TMC7: variants seen among roughly 807,000 people sequenced by gnomAD.
TMC7 encodes transmembrane channel-like protein 7.
In TMC7, 54 loss-of-function variants were observed where a neutral mutation model predicts 82.9. The observed-to-expected ratio is 0.65, with a 90% CI of 0.52 to 0.82. The LOEUF is 0.82. Among genes scored for constraint, TMC7 ranks in the 40% least tolerant of loss-of-function variants. The probability of loss-of-function intolerance (pLI) is 0.00; values close to 1 mark genes in which losing one functional copy is unlikely to be tolerated. For missense variants in TMC7, 820 were observed against 901.2 expected, an observed-to-expected ratio of 0.91 and a Z score of 1.15; for synonymous variants, 350 against 337.9, an observed-to-expected ratio of 1.04 and a Z score of -0.39.
intron 9 of TMC7, among the ~76,000 whole-genome samples, chr16:19,043,761 G>A (rs1472587099): frequency 2.0e-5 from 3 of 151,932 alleles, no homozygotes; most frequent in East Asian, 3.9e-4. Context: ...TAGTGGAGAC[G>A]GGGTTTCTCC....
chr16:19,023,153 C>T lies in TMC7; in HGVS notation c.669C>T (p.Leu223=), dbSNP rs1960062714. Residue 223 remains leucine (L), a synonymous_variant, in exon 5 of 16, where the codon CTC becomes CTT. Transcript: ENST00000304381. ...CTVYPVSSSG[L]IYFYSYIIDL... ...TCTATCCAGTAAGCAGTTCTGGACT[C>T]ATTTACTTTTACAGTTATATCATAG... is the stretch of plus-strand genomic sequence containing the variant. 1 of 1,610,394 alleles carries T rather than the reference C, an allele frequency of 6.2e-7. No individual in the cohort carries two copies. The highest frequency in any genetic ancestry group is 8.5e-7 in the Non-Finnish European group (1 of 1,177,256).
chr16:19,050,756 C>T (rs1277362972), intron 12 of TMC7, among the ~76,000 whole-genome samples: 2 of 152,166 alleles, frequency 1.3e-5, no homozygotes, highest in African/African-American at 2.4e-5. Context: ...CCACCTAGGC[C>T]TCCCGAAGTG....
intron 9 of TMC7, among the ~76,000 whole-genome samples, chr16:19,043,043 G>T (rs575847547): frequency 1.1e-4 from 17 of 152,048 alleles, no homozygotes; most frequent in African/African-American, 3.9e-4. Flanking sequence ...ACCGTGCCCG[G>T]CTACTTAATT....
At chr16:18,987,277 G>C (rs1017693024) in intron 1 of TMC7, among the ~76,000 whole-genome samples, 1 of 151,948 alleles carries the variant, frequency 6.6e-6, no homozygotes, top group African/African-American at 2.4e-5. Flanking sequence ...CATCTATCTG[G>C]TTTGGTTATT....
intron 5 of TMC7, among the ~76,000 whole-genome samples, chr16:19,024,070 C>G (rs1417551027): frequency 6.6e-6 from 1 of 152,214 alleles, no homozygotes; most frequent in South Asian, 2.1e-4. Context: ...ACCACCCCAA[C>G]TCTAAAATGG....
intron 3 of TMC7, 40 bp from the exon 4 acceptor site, chr16:19,021,589 A>G (rs1959977451): frequency 6.2e-7 from 1 of 1,608,926 alleles, no homozygotes; most frequent in African/African-American, 1.3e-5. Context: ...GTAGTGTATC[A>G]ATATCCCTGG....
chr16:19,030,121 G>A, intron 5 of TMC7, 103 bp from the exon 6 acceptor site: 1 of 1,230,162 alleles, frequency 8.1e-7, no homozygotes. Context: ...ATACAGAGAG[G>A]AAAGGGGACA....
intron 2 of TMC7, among the ~76,000 whole-genome samples, chr16:19,013,258 G>T (rs560676998): frequency 6.6e-6 from 1 of 151,454 alleles, no homozygotes; most frequent in East Asian, 2.0e-4. Context: ...CGCTCTTGTT[G>T]CCCGGGCTGG....
At chr16:19,005,417 A>G (rs2039222324) in intron 1 of TMC7, among the ~76,000 whole-genome samples, 1 of 152,316 alleles carries the variant, frequency 6.6e-6, no homozygotes, top group South Asian at 2.1e-4. Context: ...ATGGCCTGGT[A>G]CAAGGTAGGC....
In TMC7 at chr16:19,021,794, T is replaced by C. The variant is rs146970344; in HGVS notation, c.626T>C (p.Met209Thr). 31 of 1,614,008 alleles carry C rather than the reference T, an allele frequency of 1.9e-5. No individual in the cohort carries two copies. In the African/African-American group the frequency reaches 3.6e-4, roughly 19 times the overall value. Residue 209 changes from methionine (M) to threonine (T), a missense_variant and splice_region_variant, in exon 4 of 16, where the codon ATG (methionine) becomes ACG (threonine). Coordinates refer to ENST00000304381, the MANE Select transcript of TMC7 (RefSeq NM_024847.4). ...TTCGTGCTCATTCCTTTCAAAGACA[T>C]GGGTGAGTGTAAGGCCTGGTTTACT... is the stretch of plus-strand genomic sequence containing the variant. ...SSFVLIPFKDMDKQCTVYPVS... is the reference protein window; with the variant it reads ...SSFVLIPFKDTDKQCTVYPVS...
rs746235464 is a variant in TMC7, at chr16:19,056,569, G to A, written c.1899G>A (p.Pro633=). 2.5e-5 allele frequency: 40 copies of A among 1,614,014 alleles called. No individual in the cohort carries two copies. The highest frequency in any genetic ancestry group is 1.8e-4 in the East Asian group (8 of 44,872). The change falls in exon 14 of 16, where the codon CCG becomes CCA. Residue 633 remains proline, a synonymous_variant. Transcript: ENST00000304381. ...SRIPSSKACG[P]FTNFNTTWEV... Reference sequence around the variant, plus strand: ...TCCCTTCCTCGAAAGCCTGTGGGCCGTTCACCAACTTCAACACCACCTGGG... The same window carrying A: ...TCCCTTCCTCGAAAGCCTGTGGGCCATTCACCAACTTCAACACCACCTGGG...
Position 19,051,757 on chromosome 16 carries a change from G to T in TMC7, c.1812G>T (p.Leu604=), listed in dbSNP as rs751273606. The change falls in exon 13 of 16, where the codon CTG becomes CTT. Residue 604 remains leucine (L), a synonymous_variant. Coordinates refer to ENST00000304381, the MANE Select transcript of TMC7 (RefSeq NM_024847.4). ...FRASNSNFFF[L]LVLLIGLCLA... is the part of the protein sequence containing the mutation. The stretch of plus-strand genomic sequence containing the variant: ...CATCCAATTCTAATTTCTTCTTCCT[G>T]TTGGTGTTGTTGATCGGGCTGTGTT... 22 of 1,614,078 alleles carry T rather than the reference G, an allele frequency of 1.4e-5. No individual in the cohort carries two copies. The Admixed American group carries it at 3.5e-4, about 26-fold the overall frequency.
At chr16:18,998,014 G>A (rs2039074543) in intron 1 of TMC7, among the ~76,000 whole-genome samples, 2 of 152,076 alleles carry the variant, frequency 1.3e-5, no homozygotes, top group Non-Finnish European at 2.9e-5. Flanking sequence ...TTACAGGCGT[G>A]AGCCACCAAG....
Position 19,062,086 on chromosome 16 carries a change from TACCAAAAACCA to T in TMC7, c.*246_*256del. The stretch of plus-strand genomic sequence containing the variant: ...CAGACCGGCCACTCTGTGACAACTC[TACCAAAAACCA>T]ACAAGCCATTCAAGCTTTTACAAGA... On this transcript the variant is annotated 3_prime_UTR_variant, in exon 16 of 16. Coordinates refer to ENST00000304381, the MANE Select transcript of TMC7 (RefSeq NM_024847.4). 1 of 406,624 alleles carries T rather than the reference TACCAAAAACCA, an allele frequency of 2.5e-6. No homozygotes were observed. Among genetic ancestry groups the T allele is most frequent in the South Asian group, 7.8e-5 (1 of 12,902 alleles). 25.2% of individuals were successfully genotyped at this position (406,624 alleles called of 1,614,324 possible). A position where few individuals can be genotyped will look rare whatever the true frequency, so the allele number is the denominator to read the frequency against.
At chr16:19,057,947 ATT>A (rs35330440) in intron 14 of TMC7, among the ~76,000 whole-genome samples, 3 of 146,230 alleles carry the variant, frequency 2.1e-5, no homozygotes, top group African/African-American at 5.0e-5. Flanking sequence ...CCAGCAGTTG[ATT>A]TTTTTTTTTT....
intron 7 of TMC7, among the ~76,000 whole-genome samples, chr16:19,037,097 TA>T (rs1026054000): frequency 7.2e-5 from 11 of 152,186 alleles, no homozygotes; most frequent in African/African-American, 2.4e-4. Context: ...TTAGTAGACA[TA>T]AAAAATAGTT....
At chr16:19,022,438 T>A (rs937958270) in intron 4 of TMC7, among the ~76,000 whole-genome samples, 2 of 152,214 alleles carry the variant, frequency 1.3e-5, no homozygotes, top group African/African-American at 4.8e-5. Flanking sequence ...ATTATAATAC[T>A]GGATTTTTGC....
chr16:19,034,845 A>G (rs1210042037), intron 6 of TMC7, among the ~76,000 whole-genome samples: 1 of 152,060 alleles, frequency 6.6e-6, no homozygotes, highest in Non-Finnish European at 1.5e-5. Flanking sequence ...TAGAAAGGAG[A>G]GAAAGCAAGT....
At chr16:19,015,233 G>A (rs1472413716) in intron 2 of TMC7, among the ~76,000 whole-genome samples, 1 of 151,748 alleles carries the variant, frequency 6.6e-6, no homozygotes, top group Admixed American at 6.6e-5. Flanking sequence ...CAAAGTGATG[G>A]GATTACAAGT....
Sources: allele counts gnomAD v4.1 joint callset (sites outside exome capture counted in the v4.1 genomes callset), GRCh38; gene constraint gnomAD v4.1.1; transcripts MANE v1.5; gene names NCBI Gene and HGNC (gene_info 2026-07-23, HGNC 2026-07-21).